The following RANBP17 variants were observed in gnomAD, a reference collection of about 807,000 sequenced individuals.
RANBP17 encodes RAN binding protein 17, also known as ran-binding protein 17.
A neutral mutation model predicts 141.2 loss-of-function variants in RANBP17; 158 were observed. The ratio of observed to expected loss-of-function variants is 1.12; its 90% CI spans 0.98 to 1.28. The LOEUF is 1.28. Among genes scored for constraint, RANBP17 ranks in the 50% most tolerant of loss-of-function variants. The pLI is 0.00. For missense variants in RANBP17, 1,438 were observed against 1,290.7 expected (o/e 1.11, Z -1.75); for synonymous variants, 430 against 450.0 (o/e 0.96, Z 0.56).
chr5:170,908,968 G>A (rs1043513460), intron 5 of RANBP17, among the ~76,000 whole-genome samples: 1 of 151,852 alleles, frequency 6.6e-6, no homozygotes, highest in African/African-American at 2.4e-5. Flanking sequence ...ATGTTAGTAT[G>A]AGTGTCAGAC....
In RANBP17 at chr5:171,291,256, A is replaced by G. The variant is rs531473244; in HGVS notation, c.2944-2627A>G. Among the ~76,000 whole-genome samples, 61 of 152,332 alleles carry G rather than the reference A, an allele frequency of 4.0e-4. 1 individual carries two copies. The highest frequency in any genetic ancestry group is 1.1e-3 in the Admixed American group (17 of 15,312). On this transcript the variant is annotated intron_variant, in intron 25 of 27. Coordinates refer to ENST00000523189, the MANE Select transcript of RANBP17 (RefSeq NM_022897.5). ...GAAATGGGCCCTTTCCTGGTATGGC[A>G]GAATAGCTGCTCAGGGTAATGCAGT... is the stretch of plus-strand genomic sequence containing the variant.
At chr5:170,987,333 A>G (rs1778209078) in intron 14 of RANBP17, among the ~76,000 whole-genome samples, 1 of 151,606 alleles carries the variant, frequency 6.6e-6, no homozygotes, top group Admixed American at 6.6e-5. Flanking sequence ...TGACTACCAT[A>G]TACTGAATAA....
At chr5:170,933,571 A>G (rs927852514) in intron 12 of RANBP17, among the ~76,000 whole-genome samples, 2 of 152,292 alleles carry the variant, frequency 1.3e-5, no homozygotes, top group Middle Eastern at 3.4e-3. Flanking sequence ...ATTTCCCTCT[A>G]CACAATGCTT....
At chr5:170,886,630 T>C (rs924284007) in intron 3 of RANBP17, among the ~76,000 whole-genome samples, 1 of 149,854 alleles carries the variant, frequency 6.7e-6, no homozygotes, top group Non-Finnish European at 1.5e-5. Context: ...ATTTCAACAC[T>C]ACACCATTCA....
chr5:170,886,416 A>T (rs1769152586), intron 3 of RANBP17, among the ~76,000 whole-genome samples: 1 of 152,158 alleles, frequency 6.6e-6, no homozygotes, highest in African/African-American at 2.4e-5. Context: ...CAAGGCTAGG[A>T]GATTAGCAGC....
intron 16 of RANBP17, among the ~76,000 whole-genome samples, chr5:171,179,490 A>G (rs1760740569): frequency 1.3e-5 from 2 of 150,514 alleles, no homozygotes; most frequent in Admixed American, 1.3e-4. Flanking sequence ...AATTTCTGAC[A>G]TGTAATATTG....
chr5:171,143,445 T>TAA (rs776122945), intron 14 of RANBP17: 1 of 152,210 alleles, frequency 6.6e-6, no homozygotes, highest in Non-Finnish European at 1.5e-5. Context: ...CTTTATCACT[T>TAA]ACTTTCTCAT....
At chr5:170,895,802 A>G (rs1219878843) in intron 4 of RANBP17, among the ~76,000 whole-genome samples, 2 of 152,198 alleles carry the variant, frequency 1.3e-5, no homozygotes, top group Admixed American at 6.5e-5. Context: ...TCATGCATTT[A>G]TAAGGGAGGA....
intron 14 of RANBP17, among the ~76,000 whole-genome samples, chr5:171,009,554 G>A (rs1779885273): frequency 1.3e-5 from 2 of 152,014 alleles, no homozygotes; most frequent in African/African-American, 2.4e-5. Context: ...TGAATAAAAG[G>A]GTAAATTCTA....
chr5:170,964,114 C>G (rs571084791), intron 13 of RANBP17, among the ~76,000 whole-genome samples: 1 of 151,956 alleles, frequency 6.6e-6, no homozygotes, highest in African/African-American at 2.4e-5. Flanking sequence ...TATAGACACT[C>G]TTATGGAGTG....
intron 14 of RANBP17, among the ~76,000 whole-genome samples, chr5:171,147,727 C>T (rs1475432138): frequency 2.0e-5 from 3 of 152,148 alleles, no homozygotes; most frequent in Admixed American, 2.0e-4. Flanking sequence ...ATCATCTTTT[C>T]TAAGCAGCTA....
chr5:171,298,691 C>A (rs1768975471), intron 27 of RANBP17, 71 bp from the exon 28 acceptor site: 4 of 1,220,416 alleles, frequency 3.3e-6, no homozygotes. Context: ...TCCAAAATGG[C>A]CTTATCGTCC....
chr5:170,929,809 T>C (rs1773201083), intron 12 of RANBP17, among the ~76,000 whole-genome samples: 1 of 152,174 alleles, frequency 6.6e-6, no homozygotes, highest in Admixed American at 6.5e-5. Context: ...TTAAGAGGGA[T>C]AGAATTCGTC....
rs139362295 is a variant in RANBP17 at position 170,897,341 on chromosome 5, TTTC to T, written c.489+1244_489+1246del. On this transcript the variant is annotated intron_variant, in intron 5 of 27. Transcript: ENST00000523189. Reference sequence around the variant, plus strand: ...AGAATCAGGATCTGGGCTTGGCACATTTCTTCTTCTTCTTCTTCTTTTTTTTTT... The same window carrying T: ...AGAATCAGGATCTGGGCTTGGCACATTTCTTCTTCTTCTTCTTTTTTTTTT... 843 of 544,154 alleles carry T rather than the reference TTTC, an allele frequency of 1.5e-3. 5 individuals carry two copies. The highest frequency in any genetic ancestry group is 0.011 in the South Asian group (698 of 62,686). 33.7% of individuals were successfully genotyped at this position (544,154 alleles called of 1,614,324 possible). A position where few individuals can be genotyped will look rare whatever the true frequency, so the allele number is the denominator to read the frequency against.
At chr5:171,274,032 G>C (rs1436734681) in intron 25 of RANBP17, among the ~76,000 whole-genome samples, 1 of 151,976 alleles carries the variant, frequency 6.6e-6, no homozygotes, top group East Asian at 1.9e-4. Context: ...AAGTGAAACT[G>C]ACCTAATACT....
chr5:171,092,637 C>A (rs1447899653), intron 14 of RANBP17, among the ~76,000 whole-genome samples: 1 of 152,176 alleles, frequency 6.6e-6, no homozygotes, highest in Non-Finnish European at 1.5e-5. Flanking sequence ...GAGAAATTAT[C>A]AACCAGGAGA....
intron 14 of RANBP17, among the ~76,000 whole-genome samples, chr5:171,124,115 A>G (rs375535219): frequency 6.6e-6 from 1 of 152,260 alleles, no homozygotes; most frequent in East Asian, 1.9e-4. Flanking sequence ...ATAACAAGAA[A>G]TCAGGAAAAC....
intron 14 of RANBP17, among the ~76,000 whole-genome samples, chr5:171,035,737 G>GTTTTTTTTTT (rs781327156): frequency 3.1e-5 from 3 of 95,458 alleles, no homozygotes; most frequent in Non-Finnish European, 7.4e-5. Flanking sequence ...TTCTTTTTTT[G>GTTTTTTTTTT]TTTTTTTTTT....
chr5:170,948,880 G>A (rs117685967), intron 12 of RANBP17, among the ~76,000 whole-genome samples: 1,556 of 152,144 alleles, frequency 0.01, 65 homozygotes, highest in East Asian at 0.081. Context: ...ACCTGGGTGC[G>A]GTGGCTCATG....
Sources: allele counts gnomAD v4.1 joint callset (sites outside exome capture counted in the v4.1 genomes callset), GRCh38; gene constraint gnomAD v4.1.1; transcripts MANE v1.5; gene names NCBI Gene and HGNC (gene_info 2026-07-23, HGNC 2026-07-21).